SAMSN1: variants seen among roughly 807,000 people sequenced by gnomAD.
The protein encoded by SAMSN1 is SAM domain-containing protein SAMSN-1.
SAMSN1 carries 31 observed loss-of-function variants against 42.0 expected under a neutral mutation model. The ratio of observed to expected loss-of-function variants is 0.74; its 90% CI spans 0.55 to 1.00. The LOEUF is 1.00. SAMSN1 is among the 50% of genes least tolerant of loss of function. The probability of loss-of-function intolerance (pLI) is 0.00; values close to 1 mark genes in which losing one functional copy is unlikely to be tolerated. For missense variants in SAMSN1, 464 were observed against 439.4 expected, an observed-to-expected ratio of 1.06 and a Z score of -0.50; for synonymous variants, 178 against 151.9, an observed-to-expected ratio of 1.17 and a Z score of -1.26.
intron 2 of SAMSN1, among the ~76,000 whole-genome samples, chr21:14,520,785 G>A (rs537121669): frequency 3.9e-5 from 6 of 152,282 alleles, no homozygotes; most frequent in African/African-American, 1.4e-4. Flanking sequence ...GCAGGGAGGA[G>A]CCTGGCCTCT....
chr21:14,502,034 A>G (rs1462836115), intron 5 of SAMSN1, among the ~76,000 whole-genome samples: 1 of 152,234 alleles, frequency 6.6e-6, no homozygotes. Flanking sequence ...TCTGCCCCAG[A>G]GAGGACTTTA....
chr21:14,616,457 G>A (rs1982840161), intron 2 of SAMSN1, among the ~76,000 whole-genome samples: 1 of 152,096 alleles, frequency 6.6e-6, no homozygotes, highest in South Asian at 2.1e-4. Flanking sequence ...GCCTTCATTT[G>A]AGAAAAATGG....
chr21:14,575,704 CA>C (rs1384072915), intron 2 of SAMSN1, among the ~76,000 whole-genome samples: 3 of 152,088 alleles, frequency 2.0e-5, no homozygotes, highest in South Asian at 4.1e-4. Flanking sequence ...TTACCAGGTC[CA>C]AAAATAATAC....
intron 2 of SAMSN1, among the ~76,000 whole-genome samples, chr21:14,634,357 C>T (rs932400440): frequency 6.6e-6 from 1 of 152,026 alleles, no homozygotes; most frequent in South Asian, 2.1e-4. Context: ...GAAAAAGAAA[C>T]TATCATCAGA....
intron 5 of SAMSN1, among the ~76,000 whole-genome samples, chr21:14,606,056 G>T (rs1050774487): frequency 6.6e-6 from 1 of 151,996 alleles, no homozygotes; most frequent in Non-Finnish European, 1.5e-5. Flanking sequence ...TAGCCAGGAT[G>T]GTCTTGATCT....
chr21:14,508,675 C>T (rs552249850), intron 5 of SAMSN1, among the ~76,000 whole-genome samples: 21 of 152,240 alleles, frequency 1.4e-4, no homozygotes, highest in Admixed American at 3.9e-4. Context: ...AAAAGTAGAA[C>T]GACCATTTGA....
intron 7 of SAMSN1, among the ~76,000 whole-genome samples, chr21:14,491,313 G>T (rs1010574509): frequency 6.6e-6 from 1 of 150,922 alleles, no homozygotes; most frequent in Non-Finnish European, 1.5e-5. Flanking sequence ...TGGCTAGGTT[G>T]CCCAGGCTCG....
intron 2 of SAMSN1, among the ~76,000 whole-genome samples, chr21:14,562,292 T>C (rs1980970832): frequency 6.6e-6 from 1 of 152,202 alleles, no homozygotes; most frequent in Non-Finnish European, 1.5e-5. Context: ...CTAAAGCTTG[T>C]TGATCACTAA....
intron 2 of SAMSN1, among the ~76,000 whole-genome samples, chr21:14,618,535 C>T (rs1344799675): frequency 2.0e-5 from 3 of 151,852 alleles, no homozygotes; most frequent in African/African-American, 2.4e-5. Flanking sequence ...TCAATTCTGA[C>T]TGCTGCTTAC....
intron 5 of SAMSN1, among the ~76,000 whole-genome samples, chr21:14,606,491 G>T (rs1457829295): frequency 1.3e-5 from 2 of 151,960 alleles, no homozygotes; most frequent in Non-Finnish European, 2.9e-5. Context: ...TCAAAAGTTT[G>T]TTCTTCTCAA....
At chr21:14,651,270 G>A (rs1391785191) in intron 1 of SAMSN1, among the ~76,000 whole-genome samples, 3 of 151,350 alleles carry the variant, frequency 2.0e-5, no homozygotes, top group South Asian at 2.1e-4. Context: ...GAATATTAAT[G>A]CAAAACTCCT....
chr21:14,522,273 A>C (rs1978543663), intron 1 of SAMSN1, among the ~76,000 whole-genome samples: 1 of 152,230 alleles, frequency 6.6e-6, no homozygotes, highest in Non-Finnish European at 1.5e-5. Flanking sequence ...AACATATTTT[A>C]AAATTCTTTT....
At chr21:14,560,446 A>C (rs1458344475) in intron 2 of SAMSN1, among the ~76,000 whole-genome samples, 2 of 152,026 alleles carry the variant, frequency 1.3e-5, no homozygotes, top group African/African-American at 4.8e-5. Context: ...ATATAGTTTA[A>C]TCTTAGAGCA....
chr21:14,642,598 C>T (rs1983622170), intron 2 of SAMSN1, among the ~76,000 whole-genome samples: 1 of 152,210 alleles, frequency 6.6e-6, no homozygotes, highest in Non-Finnish European at 1.5e-5. Flanking sequence ...AGGTCTCCCT[C>T]ACAACCACCA....
intron 1 of SAMSN1, among the ~76,000 whole-genome samples, chr21:14,524,645 G>A (rs529897584): frequency 6.6e-6 from 1 of 152,196 alleles, no homozygotes; most frequent in African/African-American, 2.4e-5. Context: ...TATATGAATT[G>A]TTTACATTTC....
intron 2 of SAMSN1, among the ~76,000 whole-genome samples, chr21:14,640,843 T>G (rs766085385): frequency 1.2e-4 from 18 of 152,130 alleles, no homozygotes; most frequent in Non-Finnish European, 2.2e-4. Context: ...TATGTATACA[T>G]ATATTTTTAA....
chr21:14,580,083 C>T (rs1379466074), intron 2 of SAMSN1, among the ~76,000 whole-genome samples: 1 of 152,134 alleles, frequency 6.6e-6, no homozygotes, highest in East Asian at 1.9e-4. Context: ...CCTGGTGTTA[C>T]TCAGAAAAGC....
chr21:14,605,848 A>T lies in SAMSN1; in HGVS notation c.322+3634T>A, dbSNP rs983345635. On this transcript the variant is annotated intron_variant, in intron 5 of 15. Transcript: ENST00000647101. Reference sequence around the variant, plus strand: ...TATTTATTTATTTATTTATTTATTTATTTATTTTTTTGAGATGGAGTCTCA... The same window carrying T: ...TATTTATTTATTTATTTATTTATTTTTTTATTTTTTTGAGATGGAGTCTCA... Among the ~76,000 whole-genome samples the T allele has an allele frequency of 4.5e-3, 671 of 148,438 alleles. 7 individuals carry two copies. The highest frequency in any genetic ancestry group is 0.015 in the African/African-American group (595 of 40,310).
At chr21:14,553,675 C>T (rs891158750) in intron 2 of SAMSN1, among the ~76,000 whole-genome samples, 7 of 152,066 alleles carry the variant, frequency 4.6e-5, no homozygotes, top group Admixed American at 4.6e-4. Context: ...GACTTGAAAT[C>T]GAATTCTAGC....
Sources: gnomAD v4.1 joint callset for allele counts (sites outside exome capture counted in the v4.1 genomes callset) on GRCh38, gnomAD v4.1.1 for gene constraint, MANE v1.5 for transcripts, NCBI Gene and HGNC (gene_info 2026-07-23, HGNC 2026-07-21) for gene names.